The following NIBAN2 variants were observed in gnomAD, a reference collection of about 807,000 sequenced individuals.
NIBAN2 encodes the protein niban apoptosis regulator 2, also known as protein Niban 2.
In NIBAN2, 36 loss-of-function variants were observed where a neutral mutation model predicts 81.8. The ratio of observed to expected loss-of-function variants is 0.44; its 90% confidence interval spans 0.34 to 0.58. The LOEUF (loss-of-function observed/expected upper bound fraction) is 0.58, where lower values mean the gene tolerates loss of function less well. NIBAN2 is among the 20% of genes least tolerant of loss of function. NIBAN2 has a pLI of 0.02. For missense variants in NIBAN2, 897 were observed against 1,014.1 expected, an observed-to-expected ratio of 0.88 and a Z score of 1.57; for synonymous variants, 445 against 441.6, an observed-to-expected ratio of 1.01 and a Z score of -0.10.
At position 127,517,226 on chromosome 9, in the gene NIBAN2, G is replaced by C. The variant is rs1467141873; in HGVS notation, c.706-10C>G. The C allele has an allele frequency of 4.3e-6, 7 of 1,612,108 alleles. No individual in the cohort carries two copies. The African/African-American group carries it at 9.3e-5, about 22-fold the overall frequency. On this transcript the variant is annotated splice_polypyrimidine_tract_variant and intron_variant, in intron 6 of 13. Transcript: ENST00000373312. This position sits in a 1 kb window ranked among gnomAD's most constrained non-coding sequence, Gnocchi z 4.0. ...CCAGGTTGCTCAGGATCTAGGTTGA[G>C]GAGGCACAAGCCAGGCCAGGGGCTG... is the stretch of plus-strand genomic sequence containing the variant.
chr9:127,544,068 C>T (rs539234754), intron 1 of NIBAN2, among the ~76,000 whole-genome samples: 1 of 152,344 alleles, frequency 6.6e-6, no homozygotes, highest in Non-Finnish European at 1.5e-5. Context: ...GGCAAGCCTG[C>T]TTCTGTTCGC....
chr9:127,507,581 C>T lies in NIBAN2; in HGVS notation c.1655-150G>A. ...TTCCAGGCCTCGTTGCTGAAAGCAG[C>T]AAGGCCGTGATGCTATCTCCAGGCC... On this transcript the variant is annotated intron_variant, in intron 13 of 13. Transcript: ENST00000373312. The surrounding 1 kb of genome is among the most constrained non-coding windows in gnomAD (Gnocchi z 6.8). The T allele has an allele frequency of 1.3e-6, 1 of 752,528 alleles. No homozygotes were observed. Among genetic ancestry groups the T allele is most frequent in the Non-Finnish European group, 2.1e-6 (1 of 471,850 alleles). 46.6% of individuals were successfully genotyped at this position (752,528 alleles called of 1,614,324 possible). A position where few individuals can be genotyped will look rare whatever the true frequency, so the allele number is the denominator to read the frequency against.
chr9:127,537,621 G>C (rs1454404778), intron 1 of NIBAN2, among the ~76,000 whole-genome samples: 1 of 152,146 alleles, frequency 6.6e-6, no homozygotes, highest in Admixed American at 6.5e-5. Flanking sequence ...GCCTCTGCTG[G>C]CGCCCAGAGC....
intron 5 of NIBAN2, among the ~76,000 whole-genome samples, chr9:127,523,191 AAATATATATATATATATATATATAT>A (rs1475237675): frequency 0.011 from 177 of 15,506 alleles, 36 homozygotes; most frequent in African/African-American, 0.042. Context: ...AAAAAAAAAA[AAATATATATATATATATATATATAT>A]ATATATATAT....
intron 1 of NIBAN2, among the ~76,000 whole-genome samples, chr9:127,574,243 C>G (rs1337375786): frequency 6.6e-6 from 1 of 152,158 alleles, no homozygotes; most frequent in African/African-American, 2.4e-5. Context: ...AAAGGTTCTC[C>G]CTGCCCACTT....
rs368904919 is a variant in NIBAN2, at chr9:127,531,747, G to A, written c.87C>T (p.Leu29=). The change falls in exon 2 of 14, where the codon CTC becomes CTT. Residue 29 remains leucine, a synonymous_variant. Transcript: ENST00000373312. ...CGCCATACTGGTCTTCATAGAACTG[G>A]AGGAACTCCGTCAGGATCTTCCCGG... ...EKTGKILTEF[L]QFYEDQYGVA... is the part of the protein sequence containing the mutation. The A allele has an allele frequency of 6.2e-7, 1 of 1,614,244 alleles. No homozygotes were observed. The highest frequency in any genetic ancestry group is 8.5e-7 in the Non-Finnish European group (1 of 1,180,038).
intron 2 of NIBAN2, among the ~76,000 whole-genome samples, chr9:127,528,645 C>T (rs538662102): frequency 3.7e-4 from 57 of 152,316 alleles, no homozygotes; most frequent in Admixed American, 8.5e-4. Context: ...CTGCAGGCTT[C>T]TTCCTACCGG....
intron 5 of NIBAN2, 36 bp downstream of exon 5, chr9:127,523,643 T>C (rs762403679): frequency 4.2e-5 from 66 of 1,588,176 alleles, no homozygotes; most frequent in Non-Finnish European, 5.7e-5. Flanking sequence ...GTCCTGCCCC[T>C]CCCTCCCACC....
intron 1 of NIBAN2, among the ~76,000 whole-genome samples, chr9:127,543,321 G>C (rs576532809): frequency 1.4e-4 from 22 of 152,330 alleles, no homozygotes; most frequent in African/African-American, 5.1e-4. Flanking sequence ...ACAGCTGCAG[G>C]AAGTGGTACA....
chr9:127,518,026 C>T (rs532030258), intron 5 of NIBAN2, 85 bp from the exon 6 acceptor site: 3 of 769,310 alleles, frequency 3.9e-6, no homozygotes, highest in South Asian at 1.8e-5. Context: ...ACCAAAACCC[C>T]CCCCACACAC....
In NIBAN2 at chr9:127,507,768, T is replaced by A; in HGVS notation, c.1654+99A>T. ...CAGACCCCAGGTGCAAGTCTGGGCT[T>A]TTCTTTGAGCCTTAGCTGACCCCCT... On this transcript the variant is annotated intron_variant, in intron 13 of 13. Transcript: ENST00000373312. The surrounding 1 kb of genome is among the most constrained non-coding windows in gnomAD (Gnocchi z 6.8). The A allele has an allele frequency of 8.8e-7, 1 of 1,133,866 alleles. No homozygotes were observed. Among genetic ancestry groups the A allele is most frequent in the African/African-American group, 1.5e-5 (1 of 65,788 alleles). The allele number at this position is 1,133,866 out of a possible 1,614,324, so 70.2% of individuals were successfully genotyped here. A position where few individuals can be genotyped will look rare whatever the true frequency, so the allele number is the denominator to read the frequency against.
At chr9:127,571,668 C>T (rs747184914), upstream of NIBAN2, among the ~76,000 whole-genome samples, 1 of 151,720 alleles carries the variant, frequency 6.6e-6, no homozygotes, top group Non-Finnish European at 1.5e-5. Context: ...TGCACTCCAG[C>T]CTGGTGACAG....
rs992181613 is a variant in NIBAN2, at chr9:127,545,541, C to G, written c.56-13763G>C. On this transcript the variant is annotated intron_variant, in intron 1 of 13. Transcript: ENST00000373312. The surrounding 1 kb of genome is among the most constrained non-coding windows in gnomAD (Gnocchi z 4.7). ...CTGAGGGCACAGGCCGTCTGGGTCT[C>G]ATCACAGAGGCAGGTCAGGCCCAAC... is the stretch of plus-strand genomic sequence containing the variant. Among the ~76,000 whole-genome samples, 1 of 152,146 alleles carries G rather than the reference C, an allele frequency of 6.6e-6. No individual in the cohort carries two copies. Among genetic ancestry groups the G allele is most frequent in the African/African-American group, 2.4e-5 (1 of 41,432 alleles).
chr9:127,512,977 T>C (rs1176519997), intron 8 of NIBAN2, among the ~76,000 whole-genome samples: 1 of 152,098 alleles, frequency 6.6e-6, no homozygotes, highest in Non-Finnish European at 1.5e-5. Context: ...TAAGTGTCCA[T>C]AACAGACGAA....
At chr9:127,547,599 AG>A (rs112517495) in intron 1 of NIBAN2, among the ~76,000 whole-genome samples, 6,571 of 152,166 alleles carry the variant, frequency 0.043, 387 homozygotes, top group African/African-American at 0.14. Context: ...GCACTTTGGG[AG>A]GCCAAGGTGG....
intron 1 of NIBAN2, among the ~76,000 whole-genome samples, chr9:127,533,336 A>G (rs1386863917): frequency 1.3e-5 from 2 of 152,260 alleles, no homozygotes; most frequent in African/African-American, 4.8e-5. Context: ...GGGCGCCTGT[A>G]GTCCCAGCTA....
chr9:127,526,981 A>G (rs1192641265), intron 3 of NIBAN2, among the ~76,000 whole-genome samples: 1 of 152,056 alleles, frequency 6.6e-6, no homozygotes, highest in East Asian at 1.9e-4. Flanking sequence ...AGTCAGCGAT[A>G]TTCCCCAGAG....
chr9:127,543,835 T>C (rs1588174960), intron 1 of NIBAN2, among the ~76,000 whole-genome samples: 2 of 152,212 alleles, frequency 1.3e-5, no homozygotes, highest in Non-Finnish European at 2.9e-5. Context: ...TGCAGAAAAT[T>C]ATAATCATAA....
intron 1 of NIBAN2, among the ~76,000 whole-genome samples, chr9:127,543,017 G>C (rs1247894713): frequency 6.6e-6 from 1 of 152,220 alleles, no homozygotes; most frequent in Non-Finnish European, 1.5e-5. Flanking sequence ...GAGCCACTGT[G>C]CCTGGCCCCA....
Sources: gnomAD v4.1 joint callset for allele counts (sites outside exome capture counted in the v4.1 genomes callset) on GRCh38, gnomAD v4.1.1 for gene constraint, Gnocchi (gnomAD v3.1) non-coding constraint, MANE v1.5 for transcripts, NCBI Gene and HGNC (gene_info 2026-07-23, HGNC 2026-07-21) for gene names.